The following KNTC1 variants were observed in gnomAD, a reference collection of about 807,000 sequenced individuals.
The protein encoded by KNTC1 is kinetochore associated 1, also known as kinetochore-associated protein 1.
In KNTC1, 253 loss-of-function variants were observed where a neutral mutation model predicts 314.4. The ratio of observed to expected loss-of-function variants is 0.80; its 90% CI spans 0.73 to 0.89. The LOEUF (loss-of-function observed/expected upper bound fraction) is 0.89. Ranked by LOEUF, KNTC1 falls within the 40% of genes least tolerant of loss-of-function variation. The probability of loss-of-function intolerance (pLI) is 0.00; values close to 1 mark genes in which losing one functional copy is unlikely to be tolerated. For synonymous variants in KNTC1, 901 were observed against 901.4 expected (o/e 1.00, Z 0.01); for missense variants, 2,475 against 2,572.9 (o/e 0.96, Z 0.82).
intron 16 of KNTC1, among the ~76,000 whole-genome samples, chr12:122,554,447 G>T (rs1287621289): frequency 6.6e-6 from 1 of 151,998 alleles, no homozygotes; most frequent in Non-Finnish European, 1.5e-5. Context: ...AATGGAATTA[G>T]TACTAAATAC....
At position 122,557,662 on chromosome 12, in the gene KNTC1, A is replaced by G. The variant is rs1049312065; in HGVS notation, c.1461A>G (p.Gln487=). Residue 487 remains glutamine, a synonymous_variant, in exon 18 of 64, where the codon CAA becomes CAG. Transcript: ENST00000333479. ...AGTGGATAACCTATGAAACCACTCA[A>G]GAGATGCTGAATTATGCCAAAACCA... The part of the protein sequence containing the change: ...KAQWITYETT[Q]EMLNYAKTRL... 1.2e-6 allele frequency: 2 copies of G among 1,613,266 alleles called. No homozygotes were observed. The highest frequency in any genetic ancestry group is 1.3e-5 in the African/African-American group (1 of 75,048).
At chr12:122,579,228 C>T (rs1161128902) in intron 31 of KNTC1, among the ~76,000 whole-genome samples, 1 of 150,812 alleles carries the variant, frequency 6.6e-6, no homozygotes, top group Non-Finnish European at 1.5e-5. Flanking sequence ...CTACGCCCGG[C>T]TAATTTTTTG....
chr12:122,567,857 A>G (rs1964447960), intron 20 of KNTC1, among the ~76,000 whole-genome samples: 1 of 151,974 alleles, frequency 6.6e-6, no homozygotes, highest in African/African-American at 2.4e-5. Flanking sequence ...GTAAAATAAT[A>G]TAAACATGCC....
chr12:122,621,975 GA>G lies in KNTC1; in HGVS notation c.6369+6del, dbSNP rs546433411. ...CTAGCAGGATTTTCACATCAAGTAA[GA>G]GGCGATTTCATCTCCTTTTTGCTAT... On this transcript the variant is annotated splice_donor_region_variant and intron_variant, in intron 61 of 63. Coordinates refer to ENST00000333479, the MANE Select transcript of KNTC1 (RefSeq NM_014708.6). 2.1e-4 allele frequency: 334 copies of G among 1,587,650 alleles called. 1 individual carries two copies. The African/African-American group carries it at 4.2e-3, about 20-fold the overall frequency.
chr12:122,557,372 T>C lies in KNTC1; in HGVS notation c.1273-12T>C. On this transcript the variant is annotated splice_polypyrimidine_tract_variant and intron_variant, in intron 16 of 63. Transcript: ENST00000333479. ...ACTTCAAATTGCTTGATGTGGCGTG[T>C]TTATATTACAGCTTGTTTACAAGGT... 5 of 1,607,988 alleles carry C rather than the reference T, an allele frequency of 3.1e-6. No individual in the cohort carries two copies. The highest frequency in any genetic ancestry group is 3.4e-6 in the Non-Finnish European group (4 of 1,176,716).
intron 20 of KNTC1, among the ~76,000 whole-genome samples, chr12:122,565,643 T>G (rs975495718): frequency 2.6e-5 from 4 of 152,042 alleles, no homozygotes; most frequent in African/African-American, 9.7e-5. Context: ...TCCAAGCACT[T>G]TGGGAGGCTG....
At chr12:122,545,284 C>T (rs761231668) in intron 8 of KNTC1, among the ~76,000 whole-genome samples, 2 of 152,142 alleles carry the variant, frequency 1.3e-5, no homozygotes, top group African/African-American at 2.4e-5. Context: ...CTCCTATGGT[C>T]CCAGCTACTT....
In KNTC1 at chr12:122,586,766, C is replaced by A; in HGVS notation, c.3730+9C>A. 1 of 1,276,990 alleles carries A rather than the reference C, an allele frequency of 7.8e-7. No homozygotes were observed. Among genetic ancestry groups the A allele is most frequent in the Non-Finnish European group, 1.1e-6 (1 of 934,248 alleles). The allele number at this position is 1,276,990 out of a possible 1,614,324, so 79.1% of individuals were successfully genotyped here. A position where few individuals can be genotyped will look rare whatever the true frequency, so the allele number is the denominator to read the frequency against. ...CTGCTCCCTTAATGAAGGTATTTGG[C>A]ACAAGAAATATATAGCATTCTATTA... On this transcript the variant is annotated intron_variant, in intron 38 of 63. Transcript: ENST00000333479.
chr12:122,613,305 G>T, intron 54 of KNTC1, 75 bp downstream of exon 54: 1 of 962,784 alleles, frequency 1.0e-6, no homozygotes, highest in South Asian at 1.5e-5. Flanking sequence ...TTTAAGCCCT[G>T]AATTCAGAAG....
At position 122,582,139 on chromosome 12, in the gene KNTC1, G is replaced by C. The variant is rs376648304; in HGVS notation, c.2983-566G>C. Among the ~76,000 whole-genome samples the C allele has an allele frequency of 1.1e-4, 17 of 152,136 alleles. No individual in the cohort carries two copies. The East Asian group carries it at 1.2e-3, about 10-fold the overall frequency. On this transcript the variant is annotated intron_variant, in intron 33 of 63. Coordinates refer to ENST00000333479, the MANE Select transcript of KNTC1 (RefSeq NM_014708.6). ...TCTCTGTGAAAACCATCTGGAGGCC[G>C]GGTACAGTGGTTCATGCCTGTAATC...
intron 16 of KNTC1, among the ~76,000 whole-genome samples, chr12:122,554,186 C>T (rs963612552): frequency 6.7e-6 from 1 of 149,406 alleles, no homozygotes; most frequent in African/African-American, 2.4e-5. Context: ...CTGCCTTAGC[C>T]TCCCAAGGTG....
At chr12:122,611,469 G>A (rs1245252191) in intron 53 of KNTC1, 4 of 152,442 alleles carry the variant, frequency 2.6e-5, no homozygotes, top group East Asian at 1.9e-4. Context: ...TTTAAAGTCC[G>A]TGACAAAAAG....
At chr12:122,555,317 C>G (rs1470574119) in intron 16 of KNTC1, among the ~76,000 whole-genome samples, 1 of 152,126 alleles carries the variant, frequency 6.6e-6, no homozygotes, top group Non-Finnish European at 1.5e-5. Flanking sequence ...TTTGGGAGGC[C>G]AAGGTGGGTG....
At chr12:122,555,325 G>A (rs1195615649) in intron 16 of KNTC1, among the ~76,000 whole-genome samples, 3 of 152,198 alleles carry the variant, frequency 2.0e-5, no homozygotes, top group Non-Finnish European at 4.4e-5. Context: ...GCCAAGGTGG[G>A]TGGATTACTT....
At chr12:122,613,908 T>C (rs765405183) in intron 55 of KNTC1, 147 bp downstream of exon 55, 82 of 735,452 alleles carry the variant, frequency 1.1e-4, no homozygotes, top group Middle Eastern at 8.5e-4. Context: ...TGGTGTGATC[T>C]CAGCTCACTG....
intron 2 of KNTC1, among the ~76,000 whole-genome samples, chr12:122,533,551 G>A (rs1337819551): frequency 1.3e-5 from 2 of 152,056 alleles, no homozygotes; most frequent in Admixed American, 1.3e-4. Flanking sequence ...AAGAAAATTA[G>A]CCAGGTGTGA....
rs1223166842 is a variant in KNTC1, at chr12:122,602,875, G to A, written c.4872G>A (p.Ser1624=). The A allele has an allele frequency of 5.0e-6, 8 of 1,606,358 alleles. 1 individual carries two copies. Among genetic ancestry groups the A allele is most frequent in the South Asian group, 1.1e-5 (1 of 90,814 alleles). Residue 1624 remains serine (S), a synonymous_variant, in exon 47 of 64, where the codon TCG becomes TCA. Coordinates refer to ENST00000333479, the MANE Select transcript of KNTC1 (RefSeq NM_014708.6). ...EESFPTLLLI[S]KLMKFSLDTL... Reference sequence around the variant, plus strand: ...CTTTCCCAACATTGCTCTTAATTTCGAAATTAATGAAGGTAATGGATTAAA... The same window carrying A: ...CTTTCCCAACATTGCTCTTAATTTCAAAATTAATGAAGGTAATGGATTAAA...
At chr12:122,617,580 T>C (rs1873906648) in intron 57 of KNTC1, 1 of 206,036 alleles carries the variant, frequency 4.9e-6, no homozygotes. Flanking sequence ...CTTCCTTCTT[T>C]CCTGTGGCCC....
At chr12:122,622,416 C>A (rs1301095404) in intron 61 of KNTC1, 46 bp from the exon 62 acceptor site, 3 of 1,418,346 alleles carry the variant, frequency 2.1e-6, no homozygotes, top group Non-Finnish European at 2.9e-6. Flanking sequence ...AAGTCTGATT[C>A]TAATAGATTA....
Sources: allele counts gnomAD v4.1 joint callset (sites outside exome capture counted in the v4.1 genomes callset), GRCh38; gene constraint gnomAD v4.1.1; transcripts MANE v1.5; gene names NCBI Gene and HGNC (gene_info 2026-07-23, HGNC 2026-07-21).